Variants in ZNF423 observed in about 807,000 individuals in gnomAD.
ZNF423 encodes the protein zinc finger protein 423.
ZNF423 carries 12 observed loss-of-function variants against 95.8 expected under a neutral mutation model. That is an observed-to-expected ratio of 0.13 (90% CI 0.08 to 0.20). ZNF423 has a LOEUF of 0.20. Among genes scored for constraint, ZNF423 ranks in the 10% least tolerant of loss-of-function variants. The probability of loss-of-function intolerance (pLI) is 1.00; values close to 1 mark genes in which losing one functional copy is unlikely to be tolerated. For synonymous variants in ZNF423, 749 were observed against 711.9 expected, an observed-to-expected ratio of 1.05 and a Z score of -0.83; for missense variants, 1,316 against 1,737.1, an observed-to-expected ratio of 0.76 and a Z score of 4.31.
chr16:49,642,082 G>C (rs1042354605), intron 3 of ZNF423, among the ~76,000 whole-genome samples: 1 of 152,206 alleles, frequency 6.6e-6, no homozygotes, highest in African/African-American at 2.4e-5. Flanking sequence ...TGCCACAAGT[G>C]CTAACAATAT....
chr16:49,845,048 A>C (rs2035229796), intron 1 of ZNF423, among the ~76,000 whole-genome samples: 1 of 150,828 alleles, frequency 6.6e-6, no homozygotes, highest in Admixed American at 6.6e-5. Flanking sequence ...AAAAAAAAAA[A>C]AAAAAAAAAA....
intron 3 of ZNF423, among the ~76,000 whole-genome samples, chr16:49,658,740 T>C (rs8045444): frequency 2.7e-4 from 41 of 152,330 alleles, no homozygotes; most frequent in African/African-American, 9.1e-4. Context: ...GGCAGGGCAT[T>C]CCCCTGACTG....
At position 49,637,085 on chromosome 16, in the gene ZNF423, C is replaced by G. The variant is rs1405918155; in HGVS notation, c.2091G>C (p.Ser697=). The change falls in exon 4 of 8, where the codon TCG becomes TCC. Residue 697 remains serine (S), a synonymous_variant. Transcript: ENST00000563137. The surrounding 1 kb of genome is among the most constrained non-coding windows in gnomAD (Gnocchi z 5.6). ...QHLTVHYMTT[S]THYVCESCDK... ...CGCAGCTCTCGCACACATAGTGGGTCGACGTGGTCATGTAATGCACTGTCA... is the reference window on the plus strand; with the variant it reads ...CGCAGCTCTCGCACACATAGTGGGTGGACGTGGTCATGTAATGCACTGTCA... The G allele has an allele frequency of 8.7e-6, 14 of 1,613,594 alleles. No homozygotes were observed. The highest frequency in any genetic ancestry group is 1.6e-4 in the Middle Eastern group (1 of 6,084).
At position 49,491,104 on chromosome 16, in the gene ZNF423, C is replaced by T. The variant is rs1327562705; in HGVS notation, c.*171G>A. The T allele has an allele frequency of 5.5e-6, 4 of 728,434 alleles. No homozygotes were observed. Among genetic ancestry groups the T allele is most frequent in the East Asian group, 5.0e-5 (2 of 39,682 alleles). The allele number at this position is 728,434 out of a possible 1,614,324, so 45.1% of individuals were successfully genotyped here. A position where few individuals can be genotyped will look rare whatever the true frequency, so the allele number is the denominator to read the frequency against. On this transcript the variant is annotated 3_prime_UTR_variant, in exon 8 of 8. Transcript: ENST00000563137. ...GAGCATGGAATACTTTTAATCTCTG[C>T]CATTAATATTCATTTCCAGCTGCTT...
At chr16:49,625,754 A>G (rs1302631364) in intron 5 of ZNF423, among the ~76,000 whole-genome samples, 1 of 152,252 alleles carries the variant, frequency 6.6e-6, no homozygotes, top group Non-Finnish European at 1.5e-5. Flanking sequence ...AAAAGTACTG[A>G]AATAACTTTG....
At chr16:49,771,226 A>C (rs1436714064) in intron 2 of ZNF423, among the ~76,000 whole-genome samples, 3 of 108,706 alleles carry the variant, frequency 2.8e-5, no homozygotes, top group African/African-American at 3.7e-5. Context: ...AAGGAGTCTC[A>C]CTCTCTCACT....
chr16:49,650,974 A>G (rs1401474426), intron 3 of ZNF423, among the ~76,000 whole-genome samples: 1 of 151,164 alleles, frequency 6.6e-6, no homozygotes, highest in Admixed American at 6.6e-5. Context: ...AGAATTCCCA[A>G]CTTTTTGTTG....
intron 3 of ZNF423, among the ~76,000 whole-genome samples, chr16:49,643,557 C>G (rs1973054411): frequency 7.7e-6 from 1 of 129,948 alleles, no homozygotes; most frequent in Non-Finnish European, 1.6e-5. Flanking sequence ...CACTACCCCC[C>G]ACCCCCCACT....
chr16:49,488,373 CAA>C lies in ZNF423; in HGVS notation c.*2900_*2901del, dbSNP rs199713420. 34,808 of 152,046 alleles carry C rather than the reference CAA, an allele frequency of 0.23. 4,977 individuals carry two copies. Among genetic ancestry groups the C allele is most frequent in the Admixed American group, 0.36 (5,434 of 15,270 alleles). 9.4% of individuals were successfully genotyped at this position (152,046 alleles called of 1,614,324 possible). The stretch of plus-strand genomic sequence containing the variant: ...TGTTCCATGACAGGGGCCTGTGGCC[CAA>C]GGGTCCTGGTCCATTTCCCAGCCTG... On this transcript the variant is annotated 3_prime_UTR_variant, in exon 8 of 8. Coordinates refer to ENST00000563137, the MANE Select transcript of ZNF423 (RefSeq NM_001379286.1).
intron 1 of ZNF423, among the ~76,000 whole-genome samples, chr16:49,820,333 G>A (rs1203953625): frequency 6.6e-6 from 1 of 152,140 alleles, no homozygotes; most frequent in African/African-American, 2.4e-5. Context: ...GCTAGGCCTT[G>A]GATAACCATG....
chr16:49,680,760 C>T (rs746564945), intron 3 of ZNF423, among the ~76,000 whole-genome samples: 23 of 152,236 alleles, frequency 1.5e-4, no homozygotes, highest in Non-Finnish European at 2.5e-4. Flanking sequence ...CGGCTCTGCA[C>T]CTGGATCACC....
chr16:49,490,458 C>G lies in ZNF423; in HGVS notation c.*817G>C, dbSNP rs1966913262. ...CTGCATGCATTAGGTTACTACGATT[C>G]TTTTCCAAGGGGAGCAGGGTCTATT... is the stretch of plus-strand genomic sequence containing the variant. On this transcript the variant is annotated 3_prime_UTR_variant, in exon 8 of 8. Coordinates refer to ENST00000563137, the MANE Select transcript of ZNF423 (RefSeq NM_001379286.1). The G allele has an allele frequency of 1.3e-5, 2 of 152,338 alleles. No homozygotes were observed. Among genetic ancestry groups the G allele is most frequent in the Non-Finnish European group, 2.9e-5 (2 of 68,104 alleles). 9.4% of individuals were successfully genotyped at this position (152,338 alleles called of 1,614,324 possible).
At chr16:49,616,643 GA>G (rs1209558313) in intron 5 of ZNF423, among the ~76,000 whole-genome samples, 18 of 151,996 alleles carry the variant, frequency 1.2e-4, no homozygotes, top group African/African-American at 4.4e-4. Context: ...ATTAAAAAAA[GA>G]AAACTGAATG....
chr16:49,508,346 C>T (rs1967740371), intron 7 of ZNF423, among the ~76,000 whole-genome samples: 1 of 151,738 alleles, frequency 6.6e-6, no homozygotes, highest in Admixed American at 6.6e-5. Flanking sequence ...CATAGTGAAC[C>T]CTATCTTTAC....
rs184249217 is a variant in ZNF423, at chr16:49,854,966, G to T, written c.40+769C>A. On this transcript the variant is annotated intron_variant, in intron 1 of 7. Coordinates refer to ENST00000563137, the MANE Select transcript of ZNF423 (RefSeq NM_001379286.1). ...GTGCCGGTGCCCGGGGTCAGATCCG[G>T]GGCGCCCTCCGCGGAGGGGCGCGCA... 266 of 984,872 alleles carry T rather than the reference G, an allele frequency of 2.7e-4. 1 individual carries two copies. The Middle Eastern group carries it at 4.2e-3, about 16-fold the overall frequency. The allele number at this position is 984,872 out of a possible 1,614,324, so 61.0% of individuals were successfully genotyped here.
chr16:49,495,937 G>C (rs902844306), intron 7 of ZNF423, among the ~76,000 whole-genome samples: 2 of 152,244 alleles, frequency 1.3e-5, no homozygotes, highest in African/African-American at 4.8e-5. Context: ...ACCATGTCAA[G>C]TGGGAGAGAC....
At chr16:49,586,914 C>G (rs892057022) in intron 5 of ZNF423, among the ~76,000 whole-genome samples, 1 of 152,032 alleles carries the variant, frequency 6.6e-6, no homozygotes, top group Non-Finnish European at 1.5e-5. Flanking sequence ...TTTCTGAAAC[C>G]CCAGCCCCAG....
intron 5 of ZNF423, among the ~76,000 whole-genome samples, chr16:49,562,828 G>C (rs1295016353): frequency 6.6e-6 from 1 of 152,084 alleles, no homozygotes; most frequent in East Asian, 1.9e-4. Context: ...CGTCAGGCTG[G>C]AGTGCAGTGG....
At chr16:49,503,985 G>A (rs1261656579) in intron 7 of ZNF423, among the ~76,000 whole-genome samples, 1 of 152,178 alleles carries the variant, frequency 6.6e-6, no homozygotes, top group African/African-American at 2.4e-5. Context: ...GATCCTTTGA[G>A]GACACTAGGC....
Sources: allele counts gnomAD v4.1 joint callset (sites outside exome capture counted in the v4.1 genomes callset), GRCh38; gene constraint gnomAD v4.1.1; non-coding constraint Gnocchi (gnomAD v3.1); transcripts MANE v1.5; gene names NCBI Gene and HGNC (gene_info 2026-07-23, HGNC 2026-07-21).